IKZF1: variants seen among roughly 807,000 people sequenced by gnomAD.
IKZF1 encodes the protein DNA-binding protein Ikaros.
A neutral mutation model predicts 51.7 loss-of-function variants in IKZF1; 10 were observed. The ratio of observed to expected loss-of-function variants is 0.19; its 90% CI spans 0.12 to 0.33. The LOEUF is 0.33. IKZF1 is among the 10% of genes least tolerant of loss of function. The probability of loss-of-function intolerance (pLI) is 1.00; values close to 1 mark genes in which losing one functional copy is unlikely to be tolerated. For synonymous variants in IKZF1, 280 were observed against 282.3 expected, an observed-to-expected ratio of 0.99 and a Z score of 0.08; for missense variants, 484 against 707.5, an observed-to-expected ratio of 0.68 and a Z score of 3.58.
intron 3 of IKZF1, among the ~76,000 whole-genome samples, chr7:50,344,868 TAAAAGG>T (rs1175759228): frequency 6.6e-6 from 1 of 152,068 alleles, no homozygotes; most frequent in Non-Finnish European, 1.5e-5. Flanking sequence ...TGAAAATACT[TAAAAGG>T]GAAAGGAGCA....
chr7:50,330,842 C>A (rs1186616845), intron 3 of IKZF1, among the ~76,000 whole-genome samples: 1 of 151,974 alleles, frequency 6.6e-6, no homozygotes, highest in Non-Finnish European at 1.5e-5. Context: ...AGCAGTGGGG[C>A]CGAGAGGAGG....
chr7:50,311,845 T>C (rs1363904535), intron 1 of IKZF1, among the ~76,000 whole-genome samples: 1 of 152,034 alleles, frequency 6.6e-6, no homozygotes, highest in African/African-American at 2.4e-5. Flanking sequence ...AAACTTACTG[T>C]TATAAGTTTG....
At chr7:50,341,863 A>G (rs1316450451) in intron 3 of IKZF1, among the ~76,000 whole-genome samples, 68 of 151,962 alleles carry the variant, frequency 4.5e-4, no homozygotes, top group African/African-American at 1.5e-3. Flanking sequence ...ACACATTTCA[A>G]TTTGGGTTGG....
intron 6 of IKZF1, among the ~76,000 whole-genome samples, chr7:50,389,524 G>A (rs1481469774): frequency 6.6e-6 from 1 of 152,238 alleles, no homozygotes; most frequent in Non-Finnish European, 1.5e-5. Context: ...CTAGGAAGGA[G>A]CAGTGGTCTG....
intron 5 of IKZF1, 120 bp from the exon 6 acceptor site, chr7:50,387,225 A>G (rs1813632041): frequency 7.5e-7 from 1 of 1,340,676 alleles, no homozygotes; most frequent in Non-Finnish European, 9.8e-7. Context: ...TAACAGTTTT[A>G]GCTCTCAAGG....
chr7:50,324,218 C>G (rs1430989133), intron 2 of IKZF1, among the ~76,000 whole-genome samples: 1 of 152,160 alleles, frequency 6.6e-6, no homozygotes, highest in Non-Finnish European at 1.5e-5. Flanking sequence ...CATGGAGATC[C>G]TCAGCTGTCA....
intron 6 of IKZF1, among the ~76,000 whole-genome samples, chr7:50,389,400 G>A (rs142705244): frequency 9.2e-5 from 14 of 152,236 alleles, no homozygotes; most frequent in African/African-American, 2.9e-4. Flanking sequence ...ATTACCCTGT[G>A]GTGAGTATCA....
chr7:50,331,717 C>G (rs1222259606), intron 3 of IKZF1, among the ~76,000 whole-genome samples: 3 of 152,202 alleles, frequency 2.0e-5, no homozygotes, highest in African/African-American at 7.2e-5. Context: ...CACCTCATTG[C>G]TTCATTCAGT....
chr7:50,348,728 T>C (rs1370243456), intron 3 of IKZF1, among the ~76,000 whole-genome samples: 1 of 152,224 alleles, frequency 6.6e-6, no homozygotes, highest in Non-Finnish European at 1.5e-5. Context: ...GAGATGGTCA[T>C]GGCAGAGCAA....
Position 50,401,082 on chromosome 7 carries a change from G to A in IKZF1, c.*455G>A. On this transcript the variant is annotated 3_prime_UTR_variant, in exon 8 of 8. Transcript: ENST00000331340. Reference sequence around the variant, plus strand: ...AGAGAGCACAGCCCCTGCTGTGTGGGTCTGCAGGTGAGCAGACAGGACAGG... The same window carrying A: ...AGAGAGCACAGCCCCTGCTGTGTGGATCTGCAGGTGAGCAGACAGGACAGG... 7.1e-6 allele frequency: 2 copies of A among 282,926 alleles called. No individual in the cohort carries two copies. Among genetic ancestry groups the A allele is most frequent in the Non-Finnish European group, 6.6e-6 (1 of 150,934 alleles). 17.5% of individuals were successfully genotyped at this position (282,926 alleles called of 1,614,324 possible). A position where few individuals can be genotyped will look rare whatever the true frequency, so the allele number is the denominator to read the frequency against.
intron 5 of IKZF1, among the ~76,000 whole-genome samples, chr7:50,382,944 C>G (rs1812275878): frequency 6.6e-6 from 1 of 152,150 alleles, no homozygotes. Context: ...CATACACACA[C>G]AGAAGTCTCA....
chr7:50,403,171 T>C lies in IKZF1; in HGVS notation c.*2544T>C, dbSNP rs551656583. The C allele has an allele frequency of 1.6e-4, 35 of 220,056 alleles. No individual in the cohort carries two copies. Among genetic ancestry groups the C allele is most frequent in the Non-Finnish European group, 2.7e-4 (30 of 109,824 alleles). The allele number at this position is 220,056 out of a possible 1,614,324, so 13.6% of individuals were successfully genotyped here. A position where few individuals can be genotyped will look rare whatever the true frequency, so the allele number is the denominator to read the frequency against. On this transcript the variant is annotated 3_prime_UTR_variant, in exon 8 of 8. Coordinates refer to ENST00000331340, the MANE Select transcript of IKZF1 (RefSeq NM_006060.6). ...CACACCTTTTGTTGTGGTTTTATAT[T>C]GTAACACCATTTTTCTTTGAAACTA...
At chr7:50,393,749 A>G (rs1355823630) in intron 7 of IKZF1, 1 of 232,272 alleles carries the variant, frequency 4.3e-6, no homozygotes, top group Non-Finnish European at 8.5e-6. Flanking sequence ...CACAGAGCCC[A>G]CGGGCTGCCT....
chr7:50,376,423 C>T lies in IKZF1; in HGVS notation c.161-110C>T, dbSNP rs2153467458. On this transcript the variant is annotated intron_variant, in intron 3 of 7. Coordinates refer to ENST00000331340, the MANE Select transcript of IKZF1 (RefSeq NM_006060.6). This position sits in a 1 kb window ranked among gnomAD's most constrained non-coding sequence, Gnocchi z 4.5. ...TCCCCTTGGTATTTGCTAAGAACTT[C>T]TGTTTAGTAGCTCTCCACACCTATT... 1 of 1,513,402 alleles carries T rather than the reference C, an allele frequency of 6.6e-7. No homozygotes were observed. Among genetic ancestry groups the T allele is most frequent in the Non-Finnish European group, 8.8e-7 (1 of 1,130,270 alleles). 93.7% of individuals were successfully genotyped at this position (1,513,402 alleles called of 1,614,324 possible). A position where few individuals can be genotyped will look rare whatever the true frequency, so the allele number is the denominator to read the frequency against.
At chr7:50,384,081 A>G (rs1332858798) in intron 5 of IKZF1, among the ~76,000 whole-genome samples, 1 of 152,202 alleles carries the variant, frequency 6.6e-6, no homozygotes, top group Non-Finnish European at 1.5e-5. Flanking sequence ...CTGGGGTGGA[A>G]AGTCAGGAGA....
At chr7:50,386,263 A>G (rs1813345347) in intron 5 of IKZF1, among the ~76,000 whole-genome samples, 1 of 152,234 alleles carries the variant, frequency 6.6e-6, no homozygotes, top group African/African-American at 2.4e-5. Context: ...TCCAAGAAGG[A>G]CTAAAACTCA....
rs1814289986 is a variant in IKZF1, at chr7:50,389,154, T to C, written c.715+1684T>C. ...GGTTTGAGTTCTCTGTTTTTGAATG[T>C]GACCCAGAGCTCATCGCTTAAATGC... On this transcript the variant is annotated intron_variant, in intron 6 of 7. Coordinates refer to ENST00000331340, the MANE Select transcript of IKZF1 (RefSeq NM_006060.6). 2.0e-5 allele frequency among the ~76,000 whole-genome samples: 3 copies of C among 152,358 alleles called. No homozygotes were observed. In the South Asian group the frequency reaches 6.2e-4, roughly 32 times the overall value.
intron 1 of IKZF1, among the ~76,000 whole-genome samples, chr7:50,315,913 A>G (rs928510275): frequency 4.6e-5 from 7 of 152,216 alleles, no homozygotes; most frequent in African/African-American, 1.7e-4. Flanking sequence ...ACACAGCCGA[A>G]GTGATGCACG....
rs1320931124 is a variant in IKZF1 at position 50,401,341 on chromosome 7, T to G, written c.*714T>G. 8.7e-6 allele frequency: 2 copies of G among 229,588 alleles called. No individual in the cohort carries two copies. Among genetic ancestry groups the G allele is most frequent in the Non-Finnish European group, 1.7e-5 (2 of 115,676 alleles). 14.2% of individuals were successfully genotyped at this position (229,588 alleles called of 1,614,324 possible). On this transcript the variant is annotated 3_prime_UTR_variant, in exon 8 of 8. Coordinates refer to ENST00000331340, the MANE Select transcript of IKZF1 (RefSeq NM_006060.6). ...TGGGATCGTCCTGGATTCACTGGCTTTGCGGAGGCTGCTCAGATGGCCTGA... is the reference window on the plus strand; with the variant it reads ...TGGGATCGTCCTGGATTCACTGGCTGTGCGGAGGCTGCTCAGATGGCCTGA...
Sources: gnomAD v4.1 joint callset for allele counts (sites outside exome capture counted in the v4.1 genomes callset) on GRCh38, gnomAD v4.1.1 for gene constraint, Gnocchi (gnomAD v3.1) non-coding constraint, MANE v1.5 for transcripts, NCBI Gene and HGNC (gene_info 2026-07-23, HGNC 2026-07-21) for gene names.